AUTS2: variants seen among roughly 807,000 people sequenced by gnomAD.
AUTS2 encodes the protein autism susceptibility gene 2 protein.
AUTS2 carries 17 observed loss-of-function variants against 112.4 expected under a neutral mutation model. That is an observed-to-expected ratio of 0.15 (90% CI 0.10 to 0.23). AUTS2 has a LOEUF of 0.23. AUTS2 is among the 10% of genes least tolerant of loss of function. The probability of loss-of-function intolerance (pLI) is 1.00; values close to 1 mark genes in which losing one functional copy is unlikely to be tolerated. For missense variants in AUTS2, 1,510 were observed against 1,701.6 expected (o/e 0.89, Z 1.98); for synonymous variants, 751 against 702.7 (o/e 1.07, Z -1.09).
At chr7:70,120,049 T>A (rs1446049498) in intron 3 of AUTS2, 1 of 152,070 alleles carries the variant, frequency 6.6e-6, no homozygotes, top group Non-Finnish European at 1.5e-5. Flanking sequence ...ACTCAAAACT[T>A]TTTTTTACTG....
chr7:70,313,674 G>A (rs1789861289), intron 4 of AUTS2, among the ~76,000 whole-genome samples: 1 of 152,186 alleles, frequency 6.6e-6, no homozygotes, highest in Non-Finnish European at 1.5e-5. Flanking sequence ...AGTACTTGTA[G>A]CATCCATCAG....
intron 5 of AUTS2, among the ~76,000 whole-genome samples, chr7:70,527,486 A>G (rs1264082225): frequency 6.6e-6 from 1 of 152,196 alleles, no homozygotes; most frequent in East Asian, 1.9e-4. Flanking sequence ...ATAAAATTCT[A>G]GAAACTTCTT....
chr7:70,374,080 T>C (rs1792973111), intron 4 of AUTS2, among the ~76,000 whole-genome samples: 1 of 152,222 alleles, frequency 6.6e-6, no homozygotes, highest in Admixed American at 6.5e-5. Flanking sequence ...GTTATAAATA[T>C]ATTTTTTGGT....
chr7:69,895,543 T>C (rs28688035), intron 1 of AUTS2, among the ~76,000 whole-genome samples: 13 of 131,936 alleles, frequency 9.9e-5, no homozygotes, highest in African/African-American at 1.7e-4. Context: ...TCTCTCTTCT[T>C]CCCCCCCCCC....
intron 1 of AUTS2, among the ~76,000 whole-genome samples, chr7:69,864,529 G>A (rs1224151780): frequency 6.6e-6 from 1 of 152,186 alleles, no homozygotes; most frequent in Non-Finnish European, 1.5e-5. Context: ...TTGCAGCCAT[G>A]ATGCTTGCAG....
At chr7:69,976,063 A>G (rs928436114) in intron 2 of AUTS2, among the ~76,000 whole-genome samples, 5 of 152,226 alleles carry the variant, frequency 3.3e-5, no homozygotes, top group Admixed American at 2.0e-4. Flanking sequence ...ATACAGTTCA[A>G]TACTGTTAAA....
chr7:70,257,225 C>T (rs531619159), intron 4 of AUTS2, among the ~76,000 whole-genome samples: 80 of 152,200 alleles, frequency 5.3e-4, no homozygotes, highest in Admixed American at 1.1e-3. Flanking sequence ...ATTGCAACCT[C>T]GACCTCCTGG....
At position 70,789,980 on chromosome 7, in the gene AUTS2, C is replaced by T. The variant is rs1260201399; in HGVS notation, c.2764C>T (p.His922Tyr). The change falls in exon 19 of 19, where the codon CAC becomes TAC. Residue 922 changes from histidine to tyrosine, a missense_variant. Coordinates refer to ENST00000342771, the MANE Select transcript of AUTS2 (RefSeq NM_015570.4). ...GGGCCACCTGCCCGAGAAGGACGGGCACGGCCACGAGGGGCGCGCCGCGGG... is the reference window on the plus strand; with the variant it reads ...GGGCCACCTGCCCGAGAAGGACGGGTACGGCCACGAGGGGCGCGCCGCGGG... Reference protein sequence around the residue: ...KEGHLPEKDGHGHEGRAAGEE... With the variant: ...KEGHLPEKDGYGHEGRAAGEE... The T allele has an allele frequency of 6.2e-7, 1 of 1,611,352 alleles. No homozygotes were observed. The highest frequency in any genetic ancestry group is 1.3e-5 in the African/African-American group (1 of 74,874).
rs1805269640 is a variant in AUTS2, at chr7:70,631,691, T to G, written c.691-66878T>G. On this transcript the variant is annotated intron_variant, in intron 5 of 18. Transcript: ENST00000342771. The surrounding 1 kb of genome is among the most constrained non-coding windows in gnomAD (Gnocchi z 4.5). ...GTGCAGAGAATACAGTCAGCACCATTTATAGCCCCATGTCCCCAACCTTAG... is the reference window on the plus strand; with the variant it reads ...GTGCAGAGAATACAGTCAGCACCATGTATAGCCCCATGTCCCCAACCTTAG... Among the ~76,000 whole-genome samples the G allele has an allele frequency of 6.6e-6, 1 of 152,148 alleles. No individual in the cohort carries two copies. Among genetic ancestry groups the G allele is most frequent in the Non-Finnish European group, 1.5e-5 (1 of 68,024 alleles).
At chr7:69,627,502 CA>C (rs1198365509) in intron 1 of AUTS2, among the ~76,000 whole-genome samples, 2 of 150,996 alleles carry the variant, frequency 1.3e-5, no homozygotes, top group Non-Finnish European at 2.9e-5. Context: ...AAAAAAACCC[CA>C]AAAAAACAAA....
At chr7:69,790,609 T>A (rs751690308) in intron 1 of AUTS2, among the ~76,000 whole-genome samples, 2 of 152,252 alleles carry the variant, frequency 1.3e-5, no homozygotes, top group Non-Finnish European at 2.9e-5. Context: ...ATTATAATGA[T>A]ACCTGCCTGT....
At chr7:69,714,249 A>ATGTGTGTGTGTGTGTGTGTGTGTG (rs200192496) in intron 1 of AUTS2, among the ~76,000 whole-genome samples, 17 of 92,866 alleles carry the variant, frequency 1.8e-4, no homozygotes, top group Admixed American at 7.4e-4. Context: ...GTGTGTGTAT[A>ATGTGTGTGTGTGTGTGTGTGTGTG]TGTGTGTGTG....
At chr7:70,457,201 C>T (rs1330682405) in intron 5 of AUTS2, among the ~76,000 whole-genome samples, 3 of 152,092 alleles carry the variant, frequency 2.0e-5, no homozygotes, top group African/African-American at 7.2e-5. Context: ...AATAACTGAC[C>T]GGGGCTGTGC....
intron 1 of AUTS2, among the ~76,000 whole-genome samples, chr7:69,833,195 T>C (rs1044865006): frequency 2.0e-5 from 3 of 152,138 alleles, no homozygotes; most frequent in Non-Finnish European, 4.4e-5. Flanking sequence ...CCTCCAGTGA[T>C]GTCTAGGTTA....
intron 1 of AUTS2, among the ~76,000 whole-genome samples, chr7:69,674,571 C>T (rs2215354): frequency 0.84 from 124,530 of 149,000 alleles, 51,786 homozygotes; most frequent in East Asian, 0.93. Flanking sequence ...ATAATAATAG[C>T]TATTAAATTA....
At chr7:69,921,701 G>A (rs1383413524) in intron 2 of AUTS2, among the ~76,000 whole-genome samples, 1 of 149,980 alleles carries the variant, frequency 6.7e-6, no homozygotes, top group Admixed American at 6.7e-5. Context: ...AACCCAGGAG[G>A]CAGTGAGCCG....
At chr7:70,659,703 C>T (rs1473131225) in intron 5 of AUTS2, among the ~76,000 whole-genome samples, 1 of 152,148 alleles carries the variant, frequency 6.6e-6, no homozygotes, top group Non-Finnish European at 1.5e-5. Flanking sequence ...GCCTTTGTGG[C>T]GCTTCTTTAT....
At chr7:70,461,341 C>T (rs2131199832) in intron 5 of AUTS2, among the ~76,000 whole-genome samples, 1 of 152,114 alleles carries the variant, frequency 6.6e-6, no homozygotes, top group African/African-American at 2.4e-5. Context: ...TGAACTTACC[C>T]TCCCATTTAA....
At chr7:70,739,473 C>G (rs1262476979) in intron 6 of AUTS2, among the ~76,000 whole-genome samples, 1 of 145,694 alleles carries the variant, frequency 6.9e-6, no homozygotes, top group Non-Finnish European at 1.5e-5. Context: ...AGCCACTGTG[C>G]CCAGTCACAT....
Sources: allele counts gnomAD v4.1 joint callset (sites outside exome capture counted in the v4.1 genomes callset), GRCh38; gene constraint gnomAD v4.1.1; non-coding constraint Gnocchi (gnomAD v3.1); transcripts MANE v1.5; gene names NCBI Gene and HGNC (gene_info 2026-07-23, HGNC 2026-07-21).